CCDC175: variants seen among roughly 807,000 people sequenced by gnomAD.
The protein encoded by CCDC175 is coiled-coil domain containing 175.
In CCDC175, 100 loss-of-function variants were observed where a neutral mutation model predicts 114.6. The ratio of observed to expected loss-of-function variants is 0.87; its 90% CI spans 0.74 to 1.03. The LOEUF is 1.03. Ranked by LOEUF, CCDC175 falls within the 50% of genes least tolerant of loss-of-function variation. CCDC175 has a pLI of 0.00. For missense variants in CCDC175, 880 were observed against 917.8 expected (o/e 0.96, Z 0.53); for synonymous variants, 306 against 308.7 (o/e 0.99, Z 0.09).
At chr14:59,569,586 G>A (rs1693119200) in intron 3 of CCDC175, among the ~76,000 whole-genome samples, 1 of 152,104 alleles carries the variant, frequency 6.6e-6, no homozygotes. Context: ...AGAAACTAAA[G>A]AACAGCAAAC....
chr14:59,557,170 T>A (rs1895949758), intron 7 of CCDC175, among the ~76,000 whole-genome samples: 1 of 152,146 alleles, frequency 6.6e-6, no homozygotes, highest in Admixed American at 6.5e-5. Context: ...CGCACACGTA[T>A]GTTTATTGCG....
At chr14:59,569,050 A>G (rs1896712826) in intron 3 of CCDC175, among the ~76,000 whole-genome samples, 1 of 152,236 alleles carries the variant, frequency 6.6e-6, no homozygotes, top group East Asian at 1.9e-4. Context: ...ATAATTATTC[A>G]TCCATAAATA....
chr14:59,542,604 C>T (rs1216764615), intron 10 of CCDC175, among the ~76,000 whole-genome samples: 1 of 151,766 alleles, frequency 6.6e-6, no homozygotes, highest in Non-Finnish European at 1.5e-5. Context: ...GTGTATTATA[C>T]TATAATCTGC....
Position 59,572,695 on chromosome 14 carries a change from A to G in CCDC175, c.355+7T>C, listed in dbSNP as rs1300174573. On this transcript the variant is annotated splice_region_variant and intron_variant, in intron 3 of 19. Transcript: ENST00000537690. ...TAAATTTCTAGAGTTGATAACCTCA[A>G]AAGTACCTTCCAATTCCCTCTTAAT... is the stretch of plus-strand genomic sequence containing the variant. The G allele has an allele frequency of 2.1e-6, 3 of 1,437,682 alleles. No homozygotes were observed. The highest frequency in any genetic ancestry group is 2.8e-5 in the Admixed American group (1 of 35,872). 89.1% of individuals were successfully genotyped at this position (1,437,682 alleles called of 1,614,324 possible).
rs34112354 is a variant in CCDC175 at position 59,540,648 on chromosome 14, C to CTTTTTT, written c.1355+21_1355+26dup. The CTTTTTT allele has an allele frequency of 2.4e-3, 2,629 of 1,098,644 alleles. 13 individuals carry two copies. The highest frequency in any genetic ancestry group is 6.1e-3 in the Middle Eastern group (23 of 3,750). The allele number at this position is 1,098,644 out of a possible 1,614,324, so 68.1% of individuals were successfully genotyped here. ...GCTGATAACACAAAACACAAATAAA[C>CTTTTTT]TTTTTTTTTTTTTTTTTTTTTTTTA... On this transcript the variant is annotated intron_variant, in intron 11 of 19. Transcript: ENST00000537690.
intron 13 of CCDC175, among the ~76,000 whole-genome samples, chr14:59,534,300 T>A (rs1323076143): frequency 6.6e-6 from 1 of 152,194 alleles, no homozygotes; most frequent in Non-Finnish European, 1.5e-5. Context: ...CTCTGATTCC[T>A]AAGCCACATG....
intron 15 of CCDC175, among the ~76,000 whole-genome samples, chr14:59,526,684 A>C (rs1227093196): frequency 6.6e-6 from 1 of 152,176 alleles, no homozygotes; most frequent in Non-Finnish European, 1.5e-5. Context: ...GGCACTAAAC[A>C]TCTCTTTACC....
chr14:59,571,822 A>G (rs1056208299), intron 3 of CCDC175, among the ~76,000 whole-genome samples: 1 of 152,192 alleles, frequency 6.6e-6, no homozygotes, highest in African/African-American at 2.4e-5. Flanking sequence ...GCATAAATAT[A>G]CAAAAAAAAT....
At chr14:59,508,132 C>G (rs1391206110) in intron 19 of CCDC175, among the ~76,000 whole-genome samples, 4 of 152,086 alleles carry the variant, frequency 2.6e-5, no homozygotes, top group African/African-American at 7.2e-5. Context: ...ACACACCTCA[C>G]TATCTCTTTT....
At chr14:59,539,123 A>C (rs1894602285) in intron 11 of CCDC175, among the ~76,000 whole-genome samples, 1 of 152,250 alleles carries the variant, frequency 6.6e-6, no homozygotes, top group Non-Finnish European at 1.5e-5. Context: ...AAGGATAGAA[A>C]TGAGGAAGGC....
chr14:59,527,019 C>G, intron 15 of CCDC175, 76 bp downstream of exon 15: 1 of 733,310 alleles, frequency 1.4e-6, no homozygotes. Flanking sequence ...ACTTCAATGC[C>G]AGGTAAATAC....
intron 17 of CCDC175, among the ~76,000 whole-genome samples, chr14:59,516,024 C>A (rs907565106): frequency 6.6e-6 from 1 of 152,158 alleles, no homozygotes; most frequent in Admixed American, 6.5e-5. Context: ...CACTCAAAAT[C>A]GCTCAACTAC....
intron 10 of CCDC175, among the ~76,000 whole-genome samples, chr14:59,541,060 G>T (rs1894754607): frequency 1.3e-5 from 2 of 152,112 alleles, no homozygotes; most frequent in African/African-American, 4.8e-5. Flanking sequence ...GAATGGAGGT[G>T]CAATCTTACC....
At chr14:59,548,596 T>C (rs1198891290) in intron 8 of CCDC175, among the ~76,000 whole-genome samples, 1 of 152,180 alleles carries the variant, frequency 6.6e-6, no homozygotes, top group African/African-American at 2.4e-5. Flanking sequence ...TGTGGAGTTA[T>C]TGTCAGAAAG....
intron 1 of CCDC175, 104 bp downstream of exon 1, chr14:59,576,515 G>T: frequency 1.8e-6 from 2 of 1,123,582 alleles, no homozygotes; most frequent in Non-Finnish European, 2.3e-6. Flanking sequence ...GCCCAGTGAT[G>T]CCCTGGTTCC....
In CCDC175 at chr14:59,538,069, A is replaced by G. The variant is rs772137652; in HGVS notation, c.1577T>C (p.Phe526Ser). The change falls in exon 13 of 20, where the codon TTT becomes TCT. Residue 526 changes from phenylalanine (F) to serine (S), a missense_variant. Transcript: ENST00000537690. Reference sequence around the variant, plus strand: ...CATTAACATTTTTTCTTTGTTAACAAATGCTTTCTCCTCTTCTTTTAATTC... The same window carrying G: ...CATTAACATTTTTTCTTTGTTAACAGATGCTTTCTCCTCTTCTTTTAATTC... ...TTELKEEEKAFVNKEKMLMKE... is the reference protein window; with the variant it reads ...TTELKEEEKASVNKEKMLMKE... 1.2e-5 allele frequency: 18 copies of G among 1,532,032 alleles called. No homozygotes were observed. The highest frequency in any genetic ancestry group is 1.6e-5 in the Non-Finnish European group (18 of 1,142,738). 94.9% of individuals were successfully genotyped at this position (1,532,032 alleles called of 1,614,324 possible).
chr14:59,568,498 C>T, intron 3 of CCDC175, 118 bp from the exon 4 acceptor site: 1 of 781,634 alleles, frequency 1.3e-6, no homozygotes. Context: ...TTTTATCAAG[C>T]ATTTCTTACT....
At chr14:59,545,970 T>C (rs1216814682) in intron 8 of CCDC175, among the ~76,000 whole-genome samples, 1 of 152,238 alleles carries the variant, frequency 6.6e-6, no homozygotes, top group Non-Finnish European at 1.5e-5. Flanking sequence ...TTACTGAGTA[T>C]ATACCCAAAG....
At chr14:59,558,967 C>T (rs1033019509) in intron 7 of CCDC175, among the ~76,000 whole-genome samples, 1 of 151,994 alleles carries the variant, frequency 6.6e-6, no homozygotes, top group East Asian at 1.9e-4. Flanking sequence ...ATTTAGGAAG[C>T]TAAGTGAAGG....
Sources: allele counts gnomAD v4.1 joint callset (sites outside exome capture counted in the v4.1 genomes callset), GRCh38; gene constraint gnomAD v4.1.1; transcripts MANE v1.5; gene names NCBI Gene and HGNC (gene_info 2026-07-23, HGNC 2026-07-21).